TENM3: variants seen among roughly 807,000 people sequenced by gnomAD.
TENM3 encodes teneurin transmembrane protein 3.
Under a neutral mutation model 255.1 loss-of-function variants are expected in TENM3, and 63 were observed. That is an observed-to-expected ratio of 0.25 (90% CI 0.20 to 0.30). The LOEUF is 0.30. TENM3 is among the 10% of genes least tolerant of loss of function. The pLI, the probability that TENM3 is intolerant of heterozygous loss-of-function variation, is 1.00. For synonymous variants in TENM3, 1,306 were observed against 1,322.3 expected (o/e 0.99, Z 0.27); for missense variants, 2,929 against 3,461.1 (o/e 0.85, Z 3.86).
rs535938737 is a variant in TENM3, at chr4:182,714,539, A to G, written c.2368+306A>G. Among the ~76,000 whole-genome samples the G allele has an allele frequency of 6.4e-4, 97 of 152,304 alleles. 1 individual carries two copies. The South Asian group carries it at 0.02, about 31-fold the overall frequency. On this transcript the variant is annotated intron_variant, in intron 13 of 27. Coordinates refer to ENST00000511685, the MANE Select transcript of TENM3 (RefSeq NM_001080477.4). ...ACTCTTCTCCTCAACCACAGTATTT[A>G]GGGCTCTGTGAATTGGGAGCTCCAA...
the TENM3 span, among the ~76,000 whole-genome samples, chr4:181,631,748 A>C: frequency 0.033 from 4,956 of 152,232 alleles, 264 homozygotes; most frequent in African/African-American, 0.11. Context: ...TCATATTCAG[A>C]GTCCCACTAA....
chr4:181,665,706 T>G, the TENM3 span, among the ~76,000 whole-genome samples: 1 of 152,068 alleles, frequency 6.6e-6, no homozygotes, highest in African/African-American at 2.4e-5. Flanking sequence ...ACGTACCCTG[T>G]TCTGCATAGA....
intron 5 of TENM3, among the ~76,000 whole-genome samples, chr4:182,632,662 G>A (rs1554038): frequency 0.45 from 67,545 of 151,640 alleles, 15,702 homozygotes; most frequent in Non-Finnish European, 0.52. Context: ...CACATGTTAT[G>A]TACTTCTCCA....
At chr4:181,799,233 T>G in the TENM3 span, among the ~76,000 whole-genome samples, 1 of 152,200 alleles carries the variant, frequency 6.6e-6, no homozygotes, top group Non-Finnish European at 1.5e-5. Flanking sequence ...ATAAAGCGAG[T>G]GATAGCCTGC....
the TENM3 span, among the ~76,000 whole-genome samples, chr4:181,973,930 C>A: frequency 6.6e-6 from 1 of 152,090 alleles, no homozygotes; most frequent in Non-Finnish European, 1.5e-5. Flanking sequence ...AGGGCAATGC[C>A]CATGTCAAAT....
chr4:181,739,690 T>C, the TENM3 span, among the ~76,000 whole-genome samples: 1 of 152,330 alleles, frequency 6.6e-6, no homozygotes, highest in East Asian at 1.9e-4. Flanking sequence ...GTATGGTCTA[T>C]GCTTTCCCAA....
the TENM3 span, among the ~76,000 whole-genome samples, chr4:181,530,704 TA>T: frequency 6.6e-6 from 1 of 152,242 alleles, no homozygotes; most frequent in South Asian, 2.1e-4. Flanking sequence ...GGCATAGCCA[TA>T]AAAATAAAAC....
chr4:182,318,662 G>C (rs1762880391), intron 1 of TENM3, among the ~76,000 whole-genome samples: 1 of 152,200 alleles, frequency 6.6e-6, no homozygotes. Flanking sequence ...TTCCAGAGGA[G>C]TGCTATGGTT....
At chr4:182,589,990 A>G (rs1487954148) in intron 3 of TENM3, among the ~76,000 whole-genome samples, 1 of 152,138 alleles carries the variant, frequency 6.6e-6, no homozygotes, top group Admixed American at 6.5e-5. Context: ...ACAAAAACAA[A>G]AACAAAAAAC....
At chr4:182,140,379 G>C (rs191972945), upstream of TENM3, among the ~76,000 whole-genome samples, 5 of 152,194 alleles carry the variant, frequency 3.3e-5, no homozygotes, top group East Asian at 7.8e-4. Context: ...GAGCCTGAGG[G>C]GTGAGCTGGA....
At chr4:181,788,385 G>T in the TENM3 span, among the ~76,000 whole-genome samples, 1 of 152,170 alleles carries the variant, frequency 6.6e-6, no homozygotes, top group African/African-American at 2.4e-5. Context: ...AATAGCTCTT[G>T]CTAGATGCCA....
At chr4:181,667,362 C>G in the TENM3 span, among the ~76,000 whole-genome samples, 1 of 152,178 alleles carries the variant, frequency 6.6e-6, no homozygotes, top group South Asian at 2.1e-4. Context: ...GTTCAAGAAC[C>G]TACCACTACT....
the TENM3 span, among the ~76,000 whole-genome samples, chr4:181,796,283 T>A: frequency 6.6e-6 from 1 of 152,222 alleles, no homozygotes; most frequent in East Asian, 1.9e-4. Flanking sequence ...TCACAGCAAA[T>A]CCGACAAGTG....
At chr4:182,625,369 T>G (rs1266075705) in intron 4 of TENM3, among the ~76,000 whole-genome samples, 1 of 152,122 alleles carries the variant, frequency 6.6e-6, no homozygotes, top group Non-Finnish European at 1.5e-5. Flanking sequence ...TAGCATTAGA[T>G]TCTCACAGGA....
chr4:181,764,710 G>T, the TENM3 span, among the ~76,000 whole-genome samples: 2 of 152,058 alleles, frequency 1.3e-5, no homozygotes, highest in Admixed American at 6.5e-5. Context: ...TTTTTTGTTT[G>T]TGATGGGGTC....
At position 182,514,913 on chromosome 4, in the gene TENM3, G is replaced by A. The variant is rs553371826; in HGVS notation, c.512-86011G>A. On this transcript the variant is annotated intron_variant, in intron 3 of 27. Coordinates refer to ENST00000511685, the MANE Select transcript of TENM3 (RefSeq NM_001080477.4). ...AAAATTTTTAAAGCTTACAGAGAGA[G>A]AGGAAGCAGCAAGAGAGAGTGAGAA... is the stretch of plus-strand genomic sequence containing the variant. Among the ~76,000 whole-genome samples, 9 of 152,320 alleles carry A rather than the reference G, an allele frequency of 5.9e-5. No homozygotes were observed. In the South Asian group the frequency reaches 1.9e-3, roughly 32 times the overall value.
At chr4:181,624,783 T>G in the TENM3 span, among the ~76,000 whole-genome samples, 1 of 152,174 alleles carries the variant, frequency 6.6e-6, no homozygotes, top group Non-Finnish European at 1.5e-5. Context: ...TGGGCTTAGC[T>G]GATGATTCTT....
At chr4:182,703,370 A>T (rs959935839) in intron 12 of TENM3, among the ~76,000 whole-genome samples, 1 of 152,236 alleles carries the variant, frequency 6.6e-6, no homozygotes, top group Non-Finnish European at 1.5e-5. Flanking sequence ...ACTGTGGAGG[A>T]TTTAAGAACA....
chr4:181,876,749 C>T, the TENM3 span, among the ~76,000 whole-genome samples: 10 of 151,960 alleles, frequency 6.6e-5, no homozygotes, highest in Admixed American at 2.0e-4. Flanking sequence ...TTGTTAAGAA[C>T]ATTAGATATG....
Sources: gnomAD v4.1 joint callset for allele counts (sites outside exome capture counted in the v4.1 genomes callset) on GRCh38, gnomAD v4.1.1 for gene constraint, MANE v1.5 for transcripts, NCBI Gene and HGNC (gene_info 2026-07-23, HGNC 2026-07-21) for gene names.